The following GRM8 variants were observed in gnomAD, a reference collection of about 807,000 sequenced individuals.
The protein encoded by GRM8 is metabotropic glutamate receptor 8.
In GRM8, 47 loss-of-function variants were observed where a neutral mutation model predicts 87.2. The ratio of observed to expected loss-of-function variants is 0.54; its 90% CI spans 0.43 to 0.69. The LOEUF (loss-of-function observed/expected upper bound fraction) is 0.69. Ranked by LOEUF, GRM8 falls within the 30% of genes least tolerant of loss-of-function variation. The probability of loss-of-function intolerance (pLI) is 0.00; values close to 1 mark genes in which losing one functional copy is unlikely to be tolerated. For missense variants in GRM8, 1,019 were observed against 1,139.2 expected (o/e 0.89, Z 1.52); for synonymous variants, 396 against 404.5 (o/e 0.98, Z 0.25).
intron 7 of GRM8, among the ~76,000 whole-genome samples, chr7:126,622,209 T>C (rs915969453): frequency 6.6e-6 from 1 of 152,132 alleles, no homozygotes; most frequent in Non-Finnish European, 1.5e-5. Context: ...TCCCTGAATT[T>C]TGCATGCTAG....
At chr7:127,000,902 C>T (rs1441529967) in intron 3 of GRM8, among the ~76,000 whole-genome samples, 2 of 151,482 alleles carry the variant, frequency 1.3e-5, no homozygotes, top group African/African-American at 4.8e-5. Flanking sequence ...AAAACAAAAC[C>T]CTAGGAGACT....
chr7:126,982,076 C>T (rs1811597693), intron 3 of GRM8, among the ~76,000 whole-genome samples: 1 of 152,064 alleles, frequency 6.6e-6, no homozygotes, highest in African/African-American at 2.4e-5. Context: ...TGTCTGCAAG[C>T]TGAGGAGCAA....
chr7:126,863,682 G>A (rs1798337518), intron 6 of GRM8, among the ~76,000 whole-genome samples: 1 of 152,088 alleles, frequency 6.6e-6, no homozygotes. Flanking sequence ...CAGCTTCAGT[G>A]AGTTATTGAA....
intron 7 of GRM8, among the ~76,000 whole-genome samples, chr7:126,704,223 G>A (rs144755213): frequency 6.6e-5 from 10 of 152,244 alleles, no homozygotes; most frequent in Admixed American, 2.0e-4. Context: ...AATTTCTTAT[G>A]CCTGTCTTTA....
At chr7:126,597,307 C>G (rs146346475) in intron 8 of GRM8, among the ~76,000 whole-genome samples, 1,842 of 152,088 alleles carry the variant, frequency 0.012, 36 homozygotes, top group African/African-American at 0.042. Flanking sequence ...ACTGGCCTAT[C>G]TACAATGGGA....
At chr7:127,178,961 C>A (rs1587209178) in intron 2 of GRM8, among the ~76,000 whole-genome samples, 1 of 151,962 alleles carries the variant, frequency 6.6e-6, no homozygotes, top group Non-Finnish European at 1.5e-5. Flanking sequence ...GCAAAAAAAT[C>A]AAAGCATACA....
At chr7:126,792,445 C>T (rs1203590715) in intron 6 of GRM8, among the ~76,000 whole-genome samples, 1 of 152,148 alleles carries the variant, frequency 6.6e-6, no homozygotes, top group African/African-American at 2.4e-5. Context: ...TGGCTAGGGC[C>T]CAACAGTCTA....
chr7:126,958,306 G>A (rs1808946660), intron 3 of GRM8, among the ~76,000 whole-genome samples: 1 of 152,192 alleles, frequency 6.6e-6, no homozygotes, highest in African/African-American at 2.4e-5. Context: ...CAGGCGGTGA[G>A]AAGAGCTGCA....
At chr7:127,227,348 C>T (rs1156764614) in intron 2 of GRM8, among the ~76,000 whole-genome samples, 2 of 152,184 alleles carry the variant, frequency 1.3e-5, no homozygotes, top group Non-Finnish European at 2.9e-5. Flanking sequence ...GTTTGTTCTT[C>T]GGACATAAAT....
chr7:126,587,269 C>T (rs940604006), intron 8 of GRM8, among the ~76,000 whole-genome samples: 22 of 152,148 alleles, frequency 1.4e-4, no homozygotes, highest in African/African-American at 2.4e-4. Flanking sequence ...GTCAGTGTGG[C>T]GATTCCTCAA....
intron 3 of GRM8, among the ~76,000 whole-genome samples, chr7:127,078,447 T>C (rs1822515926): frequency 6.6e-6 from 1 of 152,238 alleles, no homozygotes; most frequent in South Asian, 2.1e-4. Flanking sequence ...GCTCCTCCAA[T>C]CTTAGTATCA....
intron 6 of GRM8, among the ~76,000 whole-genome samples, chr7:126,862,601 T>G (rs1436161682): frequency 6.6e-6 from 1 of 151,994 alleles, no homozygotes; most frequent in African/African-American, 2.4e-5. Context: ...CATGCATCCT[T>G]GTGGAAGAAA....
At chr7:126,492,287 G>A (rs1285544658) in intron 9 of GRM8, among the ~76,000 whole-genome samples, 2 of 151,994 alleles carry the variant, frequency 1.3e-5, no homozygotes, top group African/African-American at 2.4e-5. Context: ...CTGGACTCAA[G>A]TGATTCACCT....
chr7:126,827,589 G>T (rs1794946390), intron 6 of GRM8, among the ~76,000 whole-genome samples: 1 of 152,176 alleles, frequency 6.6e-6, no homozygotes. Flanking sequence ...TGCTGAAGTT[G>T]CTTATCAGCT....
chr7:126,727,335 T>C (rs1399580224), intron 7 of GRM8, among the ~76,000 whole-genome samples: 2 of 151,984 alleles, frequency 1.3e-5, no homozygotes, highest in Non-Finnish European at 2.9e-5. Context: ...TCTGTATATA[T>C]TTAGAAAAAA....
At chr7:126,591,510 T>C (rs1199233304) in intron 8 of GRM8, among the ~76,000 whole-genome samples, 79 of 152,016 alleles carry the variant, frequency 5.2e-4, no homozygotes. Context: ...ATTTAAACTA[T>C]ACCCTAGAAC....
At chr7:126,743,364 A>C (rs1563143884) in intron 7 of GRM8, among the ~76,000 whole-genome samples, 2 of 152,252 alleles carry the variant, frequency 1.3e-5, no homozygotes, top group South Asian at 4.1e-4. Flanking sequence ...TGTCTCAGGA[A>C]CACAGATTGA....
intron 3 of GRM8, among the ~76,000 whole-genome samples, chr7:126,908,502 A>C (rs2131271520): frequency 6.6e-6 from 1 of 152,346 alleles, no homozygotes; most frequent in Middle Eastern, 3.4e-3. Context: ...TGATTACTTA[A>C]GCATCCCATT....
intron 9 of GRM8, among the ~76,000 whole-genome samples, chr7:126,517,640 T>C (rs1401112419): frequency 6.6e-6 from 1 of 151,812 alleles, no homozygotes; most frequent in Admixed American, 6.6e-5. Context: ...ATTGATTATA[T>C]AAAATATTAT....
Sources: allele counts gnomAD v4.1 joint callset (sites outside exome capture counted in the v4.1 genomes callset), GRCh38; gene constraint gnomAD v4.1.1; transcripts MANE v1.5; gene names NCBI Gene and HGNC (gene_info 2026-07-23, HGNC 2026-07-21).